SKAP1: variants seen among roughly 807,000 people sequenced by gnomAD.
The protein encoded by SKAP1 is src kinase associated phosphoprotein 1, also known as src kinase-associated phosphoprotein 1.
Under a neutral mutation model 58.5 loss-of-function variants are expected in SKAP1, and 44 were observed. That is an observed-to-expected ratio of 0.75 (90% CI 0.59 to 0.97). The LOEUF is 0.97. Among genes scored for constraint, SKAP1 ranks in the 50% least tolerant of loss-of-function variants. SKAP1 has a pLI of 0.00. For synonymous variants in SKAP1, 127 were observed against 149.7 expected (o/e 0.85, Z 1.11); for missense variants, 390 against 435.2 (o/e 0.90, Z 0.92).
chr17:48,405,388 C>CT (rs1291033293), intron 1 of SKAP1, among the ~76,000 whole-genome samples: 11 of 146,452 alleles, frequency 7.5e-5, no homozygotes, highest in South Asian at 2.2e-4. Flanking sequence ...CTTTTTTTCT[C>CT]TTTCCTTTCT....
chr17:48,341,582 G>A (rs1375932911), intron 4 of SKAP1, among the ~76,000 whole-genome samples: 1 of 152,104 alleles, frequency 6.6e-6, no homozygotes, highest in East Asian at 1.9e-4. Flanking sequence ...AAATGGCATG[G>A]AGTTGAAAAT....
At chr17:48,415,583 A>G (rs142685960) in intron 1 of SKAP1, among the ~76,000 whole-genome samples, 1 of 152,158 alleles carries the variant, frequency 6.6e-6, no homozygotes, top group African/African-American at 2.4e-5. Flanking sequence ...CTCAACAGAA[A>G]GATAGAGTTG....
At chr17:48,187,790 G>T in intron 6 of SKAP1, 53 bp downstream of exon 6, 3 of 1,276,918 alleles carry the variant, frequency 2.3e-6, no homozygotes, top group South Asian at 2.4e-5. Context: ...GAGAATTTAC[G>T]AAGTGTTTGC....
intron 2 of SKAP1, among the ~76,000 whole-genome samples, chr17:48,364,574 C>A (rs2066979014): frequency 6.6e-6 from 1 of 152,100 alleles, no homozygotes; most frequent in Non-Finnish European, 1.5e-5. Context: ...ACTCAGGAGG[C>A]TGAGGCAGGA....
chr17:48,180,348 A>C (rs2064352104), intron 8 of SKAP1, 100 bp from the exon 9 acceptor site: 1 of 848,664 alleles, frequency 1.2e-6, no homozygotes, highest in East Asian at 2.8e-5. Context: ...AGAGTAAAAT[A>C]TGTCAAATGA....
chr17:48,181,066 A>G (rs914577965), intron 8 of SKAP1, among the ~76,000 whole-genome samples: 1 of 152,140 alleles, frequency 6.6e-6, no homozygotes, highest in Non-Finnish European at 1.5e-5. Context: ...GAGTGCAGTC[A>G]GCATACTCTG....
At chr17:48,194,142 G>T (rs2064590603) in intron 4 of SKAP1, among the ~76,000 whole-genome samples, 1 of 152,106 alleles carries the variant, frequency 6.6e-6, no homozygotes, top group Admixed American at 6.5e-5. Context: ...CCCGTATAAA[G>T]AAAAGATTCA....
chr17:48,189,009 C>CAAAAACA (rs767605694), intron 5 of SKAP1, among the ~76,000 whole-genome samples: 1 of 151,930 alleles, frequency 6.6e-6, no homozygotes, highest in Non-Finnish European at 1.5e-5. Flanking sequence ...ACAACAATAA[C>CAAAAACA]AAAAACAAAA....
In SKAP1 at chr17:48,345,931, G is replaced by T. The variant is rs2144329331; in HGVS notation, c.254C>A (p.Pro85His). ...TLGLSLTSDA[P>H]FLSDYQDEGM... ...CTCATCCTGATAATCTGACAAAAAG[G>T]GTGCATCGGATGTGAGGGACAGGCC... The change falls in exon 4 of 13, where the codon CCC becomes CAC. Residue 85 changes from proline (P) to histidine (H), a missense_variant. By Grantham distance (77) the Pro-to-His change is moderately conservative (BLOSUM62 -2). Transcript: ENST00000336915. 6.2e-7 allele frequency: 1 copy of T among 1,613,264 alleles called. No homozygotes were observed. Among genetic ancestry groups the T allele is most frequent in the South Asian group, 1.1e-5 (1 of 91,014 alleles).
intron 4 of SKAP1, among the ~76,000 whole-genome samples, chr17:48,326,254 G>T (rs2066435489): frequency 6.6e-6 from 1 of 152,146 alleles, no homozygotes; most frequent in Non-Finnish European, 1.5e-5. Context: ...AAATGCATTT[G>T]TTTGTTTTAG....
intron 1 of SKAP1, among the ~76,000 whole-genome samples, chr17:48,420,877 G>C (rs764911430): frequency 8.5e-5 from 13 of 152,258 alleles, no homozygotes; most frequent in African/African-American, 1.2e-4. Context: ...CTACCCACTA[G>C]ATGCCAGGAG....
intron 4 of SKAP1, among the ~76,000 whole-genome samples, chr17:48,227,372 A>T (rs945416429): frequency 6.6e-6 from 1 of 152,208 alleles, no homozygotes; most frequent in Non-Finnish European, 1.5e-5. Context: ...GCTAGACTAC[A>T]TGAGTTCATG....
upstream of SKAP1, among the ~76,000 whole-genome samples, chr17:48,432,993 C>T (rs1458575902): frequency 2.0e-5 from 3 of 152,244 alleles, no homozygotes; most frequent in South Asian, 2.1e-4. Flanking sequence ...GGTGCACAGT[C>T]GGGTAGTATG....
chr17:48,202,948 G>A (rs148057471), intron 4 of SKAP1, among the ~76,000 whole-genome samples: 278 of 152,204 alleles, frequency 1.8e-3, no homozygotes, highest in African/African-American at 6.4e-3. Context: ...GTAGCAAATC[G>A]GGATGAGGCA....
At chr17:48,158,889 G>GA (rs2064029310) in intron 11 of SKAP1, among the ~76,000 whole-genome samples, 6 of 150,764 alleles carry the variant, frequency 4.0e-5, no homozygotes, top group Admixed American at 6.6e-5. Flanking sequence ...GAACCCCAGG[G>GA]GGCGGAGCCT....
chr17:48,237,267 T>G (rs1049078722), intron 4 of SKAP1, among the ~76,000 whole-genome samples: 5 of 152,346 alleles, frequency 3.3e-5, no homozygotes, highest in African/African-American at 1.2e-4. Context: ...TTCCATAAAG[T>G]TGTATCATTA....
chr17:48,253,018 C>T (rs2065383783), intron 4 of SKAP1, among the ~76,000 whole-genome samples: 1 of 152,110 alleles, frequency 6.6e-6, no homozygotes. Flanking sequence ...TGAGTGACAT[C>T]ATTCTGGTCC....
intron 9 of SKAP1, among the ~76,000 whole-genome samples, chr17:48,178,466 G>A (rs1385152725): frequency 6.6e-6 from 1 of 152,150 alleles, no homozygotes; most frequent in African/African-American, 2.4e-5. Flanking sequence ...TCCTTTTAGG[G>A]AGTATTGTGA....
intron 3 of SKAP1, among the ~76,000 whole-genome samples, chr17:48,349,645 C>T (rs2066770952): frequency 6.6e-6 from 1 of 152,102 alleles, no homozygotes; most frequent in Admixed American, 6.5e-5. Context: ...AGATACACTC[C>T]TTGGTATATT....
Sources: allele counts gnomAD v4.1 joint callset (sites outside exome capture counted in the v4.1 genomes callset), GRCh38; gene constraint gnomAD v4.1.1; transcripts MANE v1.5; gene names NCBI Gene and HGNC (gene_info 2026-07-23, HGNC 2026-07-21).